COPE: variants seen among roughly 807,000 people sequenced by gnomAD.
COPE encodes the protein coatomer subunit epsilon.
COPE carries 19 observed loss-of-function variants against 42.1 expected under a neutral mutation model. That is an observed-to-expected ratio of 0.45 (90% CI 0.31 to 0.66). The LOEUF is 0.66. COPE is among the 30% of genes least tolerant of loss of function. The pLI, the probability that COPE is intolerant of heterozygous loss-of-function variation, is 0.05. For synonymous variants in COPE, 195 were observed against 181.3 expected, an observed-to-expected ratio of 1.08 and a Z score of -0.60; for missense variants, 402 against 416.1, an observed-to-expected ratio of 0.97 and a Z score of 0.30.
In COPE at chr19:18,899,739, A is replaced by G; in HGVS notation, c.880-13T>C. The G allele has an allele frequency of 6.2e-7, 1 of 1,613,740 alleles. No individual in the cohort carries two copies. Reference sequence around the variant, plus strand: ...CAAAGTCGTTCTCCTTTAGCAAGACACATGGCAACACAGGGTGGGGGCAGG... The same window carrying G: ...CAAAGTCGTTCTCCTTTAGCAAGACGCATGGCAACACAGGGTGGGGGCAGG... On this transcript the variant is annotated splice_polypyrimidine_tract_variant and intron_variant, in intron 9 of 9. Transcript: ENST00000262812.
At chr19:18,908,515 A>ATC (rs762592481) in intron 3 of COPE, among the ~76,000 whole-genome samples, 18 of 63,308 alleles carry the variant, frequency 2.8e-4, no homozygotes, top group African/African-American at 1.1e-3. Flanking sequence ...GCAAAACCCC[A>ATC]TCTCTCTTTT....
At chr19:18,918,360 ACT>A (rs1290051004) in intron 1 of COPE, among the ~76,000 whole-genome samples, 2 of 152,098 alleles carry the variant, frequency 1.3e-5, no homozygotes, top group Non-Finnish European at 2.9e-5. Flanking sequence ...AAAGAGTGTT[ACT>A]CTGACCCAAC....
At chr19:18,914,526 G>A (rs1246633145) in intron 1 of COPE, among the ~76,000 whole-genome samples, 2 of 151,806 alleles carry the variant, frequency 1.3e-5, no homozygotes, top group African/African-American at 4.8e-5. Flanking sequence ...AGGTGACAGA[G>A]CAAGACTCCA....
In COPE at chr19:18,903,540, C is replaced by T. The variant is rs537446138; in HGVS notation, c.580-117G>A. The T allele has an allele frequency of 1.5e-4, 176 of 1,194,774 alleles. No homozygotes were observed. In the African/African-American group the frequency reaches 2.5e-3, roughly 17 times the overall value. 74.0% of individuals were successfully genotyped at this position (1,194,774 alleles called of 1,614,324 possible). On this transcript the variant is annotated intron_variant, in intron 6 of 9. Transcript: ENST00000262812. ...TGCACAGAGACGAATCTGGTGTGCCCGGTTCAAGGCACAGCCACTCCGCCA... is the reference window on the plus strand; with the variant it reads ...TGCACAGAGACGAATCTGGTGTGCCTGGTTCAAGGCACAGCCACTCCGCCA...
intron 1 of COPE, among the ~76,000 whole-genome samples, chr19:18,914,342 C>A (rs1467864866): frequency 6.6e-6 from 1 of 151,992 alleles, no homozygotes; most frequent in Non-Finnish European, 1.5e-5. Context: ...GAGTTCCAGA[C>A]CAGCCTGGCC....
rs990303554 is a variant in COPE at position 18,903,159 on chromosome 19, C to CA, written c.735+108dup. The CA allele has an allele frequency of 5.9e-6, 7 of 1,194,612 alleles. No homozygotes were observed. The African/African-American group carries it at 1.1e-4, about 19-fold the overall frequency. The allele number at this position is 1,194,612 out of a possible 1,614,324, so 74.0% of individuals were successfully genotyped here. On this transcript the variant is annotated intron_variant, in intron 7 of 9. Coordinates refer to ENST00000262812, the MANE Select transcript of COPE (RefSeq NM_007263.4). ...GGGCCTTAGAAGCCCTGTGGGGCCA[C>CA]ACGCACACCCAGGGGGTCTCTGCTA...
chr19:18,914,306 G>A (rs139110206), intron 1 of COPE, among the ~76,000 whole-genome samples: 1,967 of 151,984 alleles, frequency 0.013, 45 homozygotes, highest in African/African-American at 0.045. Flanking sequence ...TTGGGAGGCC[G>A]AAGTGGGTGG....
chr19:18,902,179 CAAAA>C (rs34747007), intron 7 of COPE, among the ~76,000 whole-genome samples: 14,679 of 108,054 alleles, frequency 0.14, 881 homozygotes, highest in African/African-American at 0.15. Context: ...GACTCCATCT[CAAAA>C]AAAAAAAAAA....
intron 1 of COPE, 97 bp downstream of exon 1, chr19:18,919,126 A>AAAGAGAAAGT: frequency 2.2e-6 from 3 of 1,386,744 alleles, no homozygotes; most frequent in Non-Finnish European, 3.0e-6. Context: ...CGCGAGAAGA[A>AAAGAGAAAGT]AAGAGAAAGT....
chr19:18,904,621 A>AG, intron 6 of COPE, 150 bp downstream of exon 6: 1 of 688,300 alleles, frequency 1.5e-6, no homozygotes, highest in Non-Finnish European at 2.5e-6. Flanking sequence ...AATGGAGTCA[A>AG]GGCTGAGTTA....
chr19:18,910,863 G>T, intron 3 of COPE, 108 bp downstream of exon 3: 1 of 942,906 alleles, frequency 1.1e-6, no homozygotes, highest in Non-Finnish European at 1.7e-6. Context: ...CGCCTAATCT[G>T]AGGGATGCTG....
intron 1 of COPE, among the ~76,000 whole-genome samples, chr19:18,916,998 G>T (rs2056859409): frequency 6.7e-6 from 1 of 150,360 alleles, no homozygotes; most frequent in Non-Finnish European, 1.5e-5. Context: ...AGTCCTGGAG[G>T]CCAGAAGTCC....
chr19:18,904,655 C>A, intron 6 of COPE, 116 bp downstream of exon 6: 2 of 893,184 alleles, frequency 2.2e-6, no homozygotes. Context: ...GGGGCCACGG[C>A]CTGATCCTGG....
chr19:18,899,771 G>A (rs1371015221), intron 9 of COPE, 45 bp from the exon 10 acceptor site: 1 of 1,612,508 alleles, frequency 6.2e-7, no homozygotes. Context: ...CAGGGTGTGG[G>A]GAGACAGGTG....
intron 1 of COPE, among the ~76,000 whole-genome samples, chr19:18,914,093 G>A (rs544790968): frequency 6.6e-6 from 1 of 152,232 alleles, no homozygotes; most frequent in Non-Finnish European, 1.5e-5. Flanking sequence ...AGCCAGAGTG[G>A]GTATCTGGCT....
Position 18,913,034 on chromosome 19 carries a change from C to T in COPE, c.139G>A (p.Glu47Lys). ...EAQRVKLSSP[E>K]RDVERDVFLY... ...AAGACGTCCCTCTCCACGTCTCTCT[C>T]TGGGCTTGATAGCTGTGGGAACCAA... The change falls in exon 2 of 10, where the codon GAG (glutamate) becomes AAG (lysine). Residue 47 changes from glutamate to lysine, a missense_variant. Transcript: ENST00000262812. The T allele has an allele frequency of 6.2e-7, 1 of 1,611,662 alleles. No individual in the cohort carries two copies. The highest frequency in any genetic ancestry group is 8.5e-7 in the Non-Finnish European group (1 of 1,179,904).
At chr19:18,903,494 T>G in intron 6 of COPE, 71 bp from the exon 7 acceptor site, 1 of 1,502,446 alleles carries the variant, frequency 6.7e-7, no homozygotes, top group Non-Finnish European at 9.0e-7. Context: ...CCCCCTCCCC[T>G]AGCGGGGGGG....
chr19:18,906,882 G>A (rs2056764625), intron 4 of COPE, 78 bp downstream of exon 4: 11 of 1,444,348 alleles, frequency 7.6e-6, no homozygotes, highest in Admixed American at 2.4e-5. Context: ...GACAGCCAGC[G>A]AGGCCGTGCG....
chr19:18,901,755 A>AC (rs2056700839), intron 7 of COPE, among the ~76,000 whole-genome samples: 1 of 152,214 alleles, frequency 6.6e-6, no homozygotes, highest in Non-Finnish European at 1.5e-5. Context: ...ACACAGTGAG[A>AC]CCCCATTTCT....
Sources: gnomAD v4.1 joint callset for allele counts (sites outside exome capture counted in the v4.1 genomes callset) on GRCh38, gnomAD v4.1.1 for gene constraint, MANE v1.5 for transcripts, NCBI Gene and HGNC (gene_info 2026-07-23, HGNC 2026-07-21) for gene names.